Variants in CAPRIN2 observed in about 807,000 individuals in gnomAD.
CAPRIN2 encodes caprin-2.
CAPRIN2 carries 66 observed loss-of-function variants against 130.4 expected under a neutral mutation model. The ratio of observed to expected loss-of-function variants is 0.51; its 90% CI spans 0.42 to 0.62. The LOEUF (loss-of-function observed/expected upper bound fraction) is 0.62, where lower values mean the gene tolerates loss of function less well. Among genes scored for constraint, CAPRIN2 ranks in the 20% least tolerant of loss-of-function variants. CAPRIN2 has a pLI of 0.00. For missense variants in CAPRIN2, 1,185 were observed against 1,246.6 expected, an observed-to-expected ratio of 0.95 and a Z score of 0.74; for synonymous variants, 471 against 444.1, an observed-to-expected ratio of 1.06 and a Z score of -0.76.
chr12:30,710,079 C>T lies in CAPRIN2; in HGVS notation c.3057G>A (p.Glu1019=). The T allele has an allele frequency of 1.9e-6, 3 of 1,614,106 alleles. No individual in the cohort carries two copies. The highest frequency in any genetic ancestry group is 2.5e-6 in the Non-Finnish European group (3 of 1,180,024). The change falls in exon 17 of 17, where the codon GAG becomes GAA. Residue 1019 remains glutamate, a synonymous_variant. Coordinates refer to ENST00000298892, the Ensembl canonical transcript of CAPRIN2. This position sits in a 1 kb window ranked among gnomAD's most constrained non-coding sequence, Gnocchi z 4.8. Reference sequence around the variant, plus strand: ...CATTGGCATAGGCTGATACCAAGACCTCTTCATTCTTCATGAGGTTGACAT... The same window carrying T: ...CATTGGCATAGGCTGATACCAAGACTTCTTCATTCTTCATGAGGTTGACAT...
chr12:30,728,782 T>G, exon 8 of CAPRIN2: 1 of 1,614,142 alleles, frequency 6.2e-7, no homozygotes, highest in Non-Finnish European at 8.5e-7. Flanking sequence ...TCAACATTGT[T>G]TTCCCAGGAT....
intron 5 of CAPRIN2, among the ~76,000 whole-genome samples, chr12:30,733,149 C>T (rs747130959): frequency 5.3e-5 from 8 of 151,982 alleles, no homozygotes; most frequent in Non-Finnish European, 7.4e-5. Flanking sequence ...GGTCATTTGG[C>T]CAAAGTCTAT....
intron 3 of CAPRIN2, among the ~76,000 whole-genome samples, chr12:30,739,096 AG>A (rs1298765821): frequency 6.6e-6 from 1 of 152,210 alleles, no homozygotes; most frequent in Admixed American, 6.5e-5. Context: ...ATAAAGACAC[AG>A]GCATGCATAT....
intron 14 of CAPRIN2, 101 bp downstream of exon 16, chr12:30,714,858 T>C: frequency 3.5e-6 from 3 of 862,826 alleles, no homozygotes; most frequent in Non-Finnish European, 5.5e-6. Context: ...TCTACTACGT[T>C]GCAAATGACA....
At chr12:30,709,779 A>ACCT in exon 17 of CAPRIN2, 2 of 1,109,348 alleles carry the variant, frequency 1.8e-6, no homozygotes, top group Non-Finnish European at 2.5e-6. Context: ...AAAAGTAAGG[A>ACCT]CCTCCTCCCT....
In CAPRIN2 at chr12:30,741,013, T is replaced by C; in HGVS notation, c.570+7A>G. The C allele has an allele frequency of 6.3e-7, 1 of 1,579,472 alleles. No individual in the cohort carries two copies. The highest frequency in any genetic ancestry group is 8.7e-7 in the Non-Finnish European group (1 of 1,154,988). ...GGTTTCAGGAAAAGCAAAGAAAACA[T>C]ACTCACATCTAGGCTCAACCCAGAA... On this transcript the variant is annotated splice_region_variant and intron_variant, in intron 3 of 16. Coordinates refer to ENST00000298892, the Ensembl canonical transcript of CAPRIN2.
chr12:30,750,565 T>C (rs771768246), intron 2 of CAPRIN2, among the ~76,000 whole-genome samples: 1 of 151,524 alleles, frequency 6.6e-6, no homozygotes, highest in Non-Finnish European at 1.5e-5. Context: ...CAGATATCTA[T>C]CAGATAATAT....
At chr12:30,753,628 A>C in exon 1 of CAPRIN2, 4 of 1,614,194 alleles carry the variant, frequency 2.5e-6, no homozygotes, top group Non-Finnish European at 3.4e-6. Flanking sequence ...GGTGGGGGAA[A>C]GTTAAGTATA....
At chr12:30,742,629 A>G (rs901255234) in intron 2 of CAPRIN2, among the ~76,000 whole-genome samples, 1 of 151,934 alleles carries the variant, frequency 6.6e-6, no homozygotes, top group African/African-American at 2.4e-5. Context: ...TGCAGAATAT[A>G]TAGCATGATA....
At chr12:30,742,156 T>C (rs1208707314) in intron 2 of CAPRIN2, among the ~76,000 whole-genome samples, 1 of 152,154 alleles carries the variant, frequency 6.6e-6, no homozygotes, top group Non-Finnish European at 1.5e-5. Context: ...AATTAGACTG[T>C]GCTACCAGTT....
At chr12:30,744,692 T>G (rs1303924653) in intron 2 of CAPRIN2, among the ~76,000 whole-genome samples, 3 of 152,204 alleles carry the variant, frequency 2.0e-5, no homozygotes, top group African/African-American at 7.2e-5. Flanking sequence ...ATACTTCACC[T>G]TCTTAACATC....
At chr12:30,728,570 A>AAT in intron 8 of CAPRIN2, 78 bp downstream of exon 9, 2 of 1,245,212 alleles carry the variant, frequency 1.6e-6, no homozygotes, top group Non-Finnish European at 2.2e-6. Flanking sequence ...AAAAAAAAAA[A>AAT]GAGAACTAAA....
chr12:30,725,982 G>A, exon 9 of CAPRIN2: 3 of 1,593,014 alleles, frequency 1.9e-6, no homozygotes, highest in Non-Finnish European at 2.6e-6. Context: ...AAAGTTACAA[G>A]TTCCTTGAAT....
chr12:30,726,849 T>C (rs941241574), intron 8 of CAPRIN2, among the ~76,000 whole-genome samples: 1 of 152,178 alleles, frequency 6.6e-6, no homozygotes, highest in Non-Finnish European at 1.5e-5. Context: ...TTTCATGTTA[T>C]CTAGTCTTTT....
intron 8 of CAPRIN2, among the ~76,000 whole-genome samples, chr12:30,727,763 C>T (rs1326729154): frequency 6.6e-6 from 1 of 152,096 alleles, no homozygotes; most frequent in Non-Finnish European, 1.5e-5. Flanking sequence ...ATATTTAATG[C>T]CAACAGTTTT....
In CAPRIN2 at chr12:30,723,325, T is replaced by C; in HGVS notation, c.1988-11A>G. 1 of 1,600,724 alleles carries C rather than the reference T, an allele frequency of 6.2e-7. No homozygotes were observed. The highest frequency in any genetic ancestry group is 8.6e-7 in the Non-Finnish European group (1 of 1,168,872). ...TTTGTTCTTTAGATGCTGCAAGGAG[T>C]AAAATAAACAGTAACTACTGAGGGA... On this transcript the variant is annotated splice_polypyrimidine_tract_variant and intron_variant, in intron 10 of 16. Coordinates refer to ENST00000298892, the Ensembl canonical transcript of CAPRIN2.
Position 30,710,348 on chromosome 12 carries a change from G to A in CAPRIN2, c.2788C>T (p.Pro930Ser). 6.2e-7 allele frequency: 1 copy of A among 1,614,094 alleles called. No homozygotes were observed. The highest frequency in any genetic ancestry group is 8.5e-7 in the Non-Finnish European group (1 of 1,180,014). Residue 930 changes from proline (P) to serine (S), a missense_variant, in exon 17 of 17, where the codon CCA becomes TCA. Physicochemically the swap from Pro to Ser is moderately conservative, Grantham distance 74. Around this residue, in one of 2 missense-constraint regions of CAPRIN2, gnomAD observed 1,104 missense variants for 1,104.3 expected, o/e 1.00. Transcript: ENST00000298892. The surrounding 1 kb of genome is among the most constrained non-coding windows in gnomAD (Gnocchi z 4.8). Reference sequence around the variant, plus strand: ...TGTACTGGCAGTATGGTGGCTGCTGGATTTGTCACTGGCACATCCACAGGG... The same window carrying A: ...TGTACTGGCAGTATGGTGGCTGCTGAATTTGTCACTGGCACATCCACAGGG...
Position 30,738,735 on chromosome 12 carries a change from C to T in CAPRIN2, c.570+2285G>A, listed in dbSNP as rs150760185. Among the ~76,000 whole-genome samples, 365 of 151,998 alleles carry T rather than the reference C, an allele frequency of 2.4e-3. 2 individuals carry two copies. The highest frequency in any genetic ancestry group is 7.8e-3 in the African/African-American group (322 of 41,448). On this transcript the variant is annotated intron_variant, in intron 3 of 16. Coordinates refer to ENST00000298892, the Ensembl canonical transcript of CAPRIN2. ...AGAAAAATAAACATTAAAAAATGGGCAAAGGACATGATGAATAGACACTTT... is the reference window on the plus strand; with the variant it reads ...AGAAAAATAAACATTAAAAAATGGGTAAAGGACATGATGAATAGACACTTT...
chr12:30,735,676 TAA>T (rs1284981098), intron 3 of CAPRIN2, among the ~76,000 whole-genome samples: 5 of 152,114 alleles, frequency 3.3e-5, no homozygotes, highest in African/African-American at 2.4e-5. Context: ...CTAACAGACA[TAA>T]AATGTCTTCC....
Sources: gnomAD v4.1 joint callset for allele counts (sites outside exome capture counted in the v4.1 genomes callset) on GRCh38, gnomAD v4.1.1 for gene constraint, gnomAD v4.1.1 regional missense constraint, Gnocchi (gnomAD v3.1) non-coding constraint, MANE v1.5 for transcripts, NCBI Gene and HGNC (gene_info 2026-07-23, HGNC 2026-07-21) for gene names.